ERI3: variants seen among roughly 807,000 people sequenced by gnomAD.
ERI3 encodes the protein ERI1 exoribonuclease 3.
ERI3 carries 18 observed loss-of-function variants against 44.4 expected under a neutral mutation model. The ratio of observed to expected loss-of-function variants is 0.41; its 90% CI spans 0.28 to 0.60. The LOEUF is 0.60. Among genes scored for constraint, ERI3 ranks in the 20% least tolerant of loss-of-function variants. The probability of loss-of-function intolerance (pLI) is 0.36; values close to 1 mark genes in which losing one functional copy is unlikely to be tolerated. For synonymous variants in ERI3, 183 were observed against 164.8 expected, an observed-to-expected ratio of 1.11 and a Z score of -0.84; for missense variants, 294 against 435.5, an observed-to-expected ratio of 0.68 and a Z score of 2.89.
At chr1:44,317,393 T>C (rs776845873) in intron 4 of ERI3, among the ~76,000 whole-genome samples, 3 of 152,290 alleles carry the variant, frequency 2.0e-5, no homozygotes, top group Non-Finnish European at 2.9e-5. Flanking sequence ...TACAATTCCA[T>C]CTGGTATGGA....
At chr1:44,258,062 C>T (rs918677955) in intron 7 of ERI3, among the ~76,000 whole-genome samples, 1 of 152,182 alleles carries the variant, frequency 6.6e-6, no homozygotes, top group South Asian at 2.1e-4. Context: ...TAGGGCTAAT[C>T]CCCTCAGGGG....
At position 44,285,121 on chromosome 1, in the gene ERI3, G is replaced by C. The variant is rs145486626; in HGVS notation, c.759-214C>G. ...CTAGCCCTCAGATCCAAGTGTGAGA[G>C]CCCAAAAATTCTTTCCAAAATAATA... On this transcript the variant is annotated intron_variant, in intron 6 of 8. Transcript: ENST00000372257. Among the ~76,000 whole-genome samples, 29 of 152,310 alleles carry C rather than the reference G, an allele frequency of 1.9e-4. No homozygotes were observed. In the East Asian group the frequency reaches 5.2e-3, roughly 27 times the overall value.
At chr1:44,324,890 CA>C (rs1246620204) in intron 3 of ERI3, among the ~76,000 whole-genome samples, 1 of 152,124 alleles carries the variant, frequency 6.6e-6, no homozygotes, top group East Asian at 1.9e-4. Context: ...CAGCTAAGAA[CA>C]AAAGCCTCAG....
intron 5 of ERI3, among the ~76,000 whole-genome samples, chr1:44,312,342 T>G (rs973385220): frequency 5.9e-5 from 9 of 152,040 alleles, no homozygotes; most frequent in Admixed American, 4.6e-4. Flanking sequence ...ATCCACGGGC[T>G]TTTTCTCTTC....
chr1:44,317,641 C>T (rs1234943802), intron 4 of ERI3, among the ~76,000 whole-genome samples: 1 of 152,004 alleles, frequency 6.6e-6, no homozygotes, highest in Non-Finnish European at 1.5e-5. Context: ...AGTGAAAAGA[C>T]AGATAAATAA....
intron 8 of ERI3, among the ~76,000 whole-genome samples, chr1:44,244,532 T>C (rs1244515131): frequency 2.6e-5 from 4 of 152,136 alleles, no homozygotes; most frequent in African/African-American, 7.2e-5. Flanking sequence ...GTTCCTGATA[T>C]ATGGTAGGTC....
chr1:44,285,413 T>C (rs140109323), intron 6 of ERI3, among the ~76,000 whole-genome samples: 188 of 152,112 alleles, frequency 1.2e-3, no homozygotes, highest in Middle Eastern at 6.8e-3. Context: ...ACAGACAAGA[T>C]AGGAGGAGAG....
At chr1:44,226,924 T>G (rs1644058442) in intron 8 of ERI3, among the ~76,000 whole-genome samples, 1 of 152,146 alleles carries the variant, frequency 6.6e-6, no homozygotes, top group Non-Finnish European at 1.5e-5. Flanking sequence ...CTCTAACTTT[T>G]TTCCCCCTAA....
At chr1:44,222,030 A>G (rs1643912229) in intron 8 of ERI3, among the ~76,000 whole-genome samples, 1 of 152,154 alleles carries the variant, frequency 6.6e-6, no homozygotes, top group Non-Finnish European at 1.5e-5. Context: ...CGTCCGCCAC[A>G]CTCCGTCTTC....
In ERI3 at chr1:44,235,118, G is replaced by A. The variant is rs572150169; in HGVS notation, c.931+12821C>T. ...GCACCACTTCCAGTGGCTCCTCACT[G>A]CTCTCAGGACTGCTCAGCTAATCCC... On this transcript the variant is annotated intron_variant, in intron 8 of 8. Coordinates refer to ENST00000372257, the MANE Select transcript of ERI3 (RefSeq NM_024066.3). This position sits in a 1 kb window ranked among gnomAD's most constrained non-coding sequence, Gnocchi z 4.6. Among the ~76,000 whole-genome samples, 1 of 152,164 alleles carries A rather than the reference G, an allele frequency of 6.6e-6. No individual in the cohort carries two copies. The highest frequency in any genetic ancestry group is 6.5e-5 in the Admixed American group (1 of 15,280).
chr1:44,265,593 A>T (rs1020873623), intron 7 of ERI3, among the ~76,000 whole-genome samples: 24 of 152,184 alleles, frequency 1.6e-4, no homozygotes, highest in Admixed American at 1.4e-3. Context: ...CTCGCACATG[A>T]ATGTTCATAA....
chr1:44,291,037 C>T (rs550393991), intron 6 of ERI3, among the ~76,000 whole-genome samples: 2 of 152,308 alleles, frequency 1.3e-5, no homozygotes. Context: ...TCCTTCCTCC[C>T]CCACTGCATC....
intron 3 of ERI3, among the ~76,000 whole-genome samples, chr1:44,324,292 T>TGGTC (rs1176318580): frequency 1.3e-5 from 2 of 152,138 alleles, no homozygotes; most frequent in African/African-American, 4.8e-5. Context: ...ATGTCAAAGA[T>TGGTC]GGTCAGTGGT....
chr1:44,281,218 AATT>A (rs139555029), intron 7 of ERI3, among the ~76,000 whole-genome samples: 112 of 152,306 alleles, frequency 7.4e-4, no homozygotes, highest in East Asian at 6.4e-3. Context: ...ATGCAACTAA[AATT>A]ATTTATTCAA....
chr1:44,262,398 G>A (rs1644912255), intron 7 of ERI3, among the ~76,000 whole-genome samples: 2 of 152,316 alleles, frequency 1.3e-5, no homozygotes, highest in South Asian at 4.1e-4. Context: ...CCGGGCTCTG[G>A]AAGGCAACAC....
chr1:44,221,132 G>A lies in ERI3; in HGVS notation c.*426C>T, dbSNP rs545465788. 3 of 270,342 alleles carry A rather than the reference G, an allele frequency of 1.1e-5. No homozygotes were observed. Among genetic ancestry groups the A allele is most frequent in the South Asian group, 9.8e-5 (2 of 20,418 alleles). 16.7% of individuals were successfully genotyped at this position (270,342 alleles called of 1,614,324 possible). ...CTTTATTCAGTGGCACGTTCACAGC[G>A]GGGATGGGGGTAGACACAAGGTGGG... On this transcript the variant is annotated 3_prime_UTR_variant, in exon 9 of 9. Transcript: ENST00000372257. This position sits in a 1 kb window ranked among gnomAD's most constrained non-coding sequence, Gnocchi z 5.9.
At chr1:44,308,427 GA>G (rs1557838540) in intron 5 of ERI3, 26 bp from the exon 6 acceptor site, 1 of 1,601,512 alleles carries the variant, frequency 6.2e-7, no homozygotes, top group Admixed American at 1.7e-5. Context: ...GAACAAATGA[GA>G]TTTTCCTTTT....
chr1:44,337,591 C>T lies in ERI3; in HGVS notation c.489+1454G>A, dbSNP rs183830840. On this transcript the variant is annotated intron_variant, in intron 3 of 8. Coordinates refer to ENST00000372257, the MANE Select transcript of ERI3 (RefSeq NM_024066.3). ...CCAAAGGACCTTCCTTTAGGATATT[C>T]TCCTTATCCAGCTCCTGGGTTCCCA... 1.4e-3 allele frequency among the ~76,000 whole-genome samples: 219 copies of T among 152,336 alleles called. 1 individual carries two copies. The highest frequency in any genetic ancestry group is 5.0e-3 in the African/African-American group (209 of 41,574).
chr1:44,348,218 C>T (rs1055351144), intron 2 of ERI3, among the ~76,000 whole-genome samples: 2 of 151,778 alleles, frequency 1.3e-5, no homozygotes, highest in African/African-American at 2.4e-5. Context: ...TTAAAAAGAG[C>T]GAAAAAGAGT....
Sources: gnomAD v4.1 joint callset for allele counts (sites outside exome capture counted in the v4.1 genomes callset) on GRCh38, gnomAD v4.1.1 for gene constraint, Gnocchi (gnomAD v3.1) non-coding constraint, MANE v1.5 for transcripts, NCBI Gene and HGNC (gene_info 2026-07-23, HGNC 2026-07-21) for gene names.